SLC16A7: variants seen among roughly 807,000 people sequenced by gnomAD.
SLC16A7 encodes the protein solute carrier family 16 member 7.
In SLC16A7, 33 loss-of-function variants were observed where a neutral mutation model predicts 34.9. The ratio of observed to expected loss-of-function variants is 0.94; its 90% CI spans 0.72 to 1.26. The LOEUF (loss-of-function observed/expected upper bound fraction) is 1.26, where lower values mean the gene tolerates loss of function less well. Ranked by LOEUF, SLC16A7 falls within the 50% of genes most tolerant of loss-of-function variation. The pLI, the probability that SLC16A7 is intolerant of heterozygous loss-of-function variation, is 0.00. For synonymous variants in SLC16A7, 201 were observed against 206.6 expected (o/e 0.97, Z 0.23); for missense variants, 573 against 578.1 (o/e 0.99, Z 0.09).
At chr12:59,639,491 C>T (rs1210153314) in intron 1 of SLC16A7, among the ~76,000 whole-genome samples, 2 of 152,144 alleles carry the variant, frequency 1.3e-5, no homozygotes, top group African/African-American at 4.8e-5. Context: ...TCAAGCTATC[C>T]TCCTGCCTCA....
Position 59,652,323 on chromosome 12 carries a change from G to A in SLC16A7, c.-129-2829G>A, listed in dbSNP as rs1287744096. Among the ~76,000 whole-genome samples the A allele has an allele frequency of 2.6e-5, 4 of 151,790 alleles. No individual in the cohort carries two copies. In the South Asian group the frequency reaches 8.3e-4, roughly 32 times the overall value. On this transcript the variant is annotated intron_variant, in intron 1 of 5. Coordinates refer to ENST00000547379, the MANE Select transcript of SLC16A7 (RefSeq NM_001270623.2). ...CATACATTCCTAGCCCTTTGAATGA[G>A]CACCTTTGCAAAAATATATTTCATT... is the stretch of plus-strand genomic sequence containing the variant.
Position 59,664,471 on chromosome 12 carries a change from T to A in SLC16A7, c.-31+9221T>A, listed in dbSNP as rs572450303. The stretch of plus-strand genomic sequence containing the variant: ...GAGATTCAACACTTTGACCCTGGCC[T>A]CTTTGTTATTGTTCATAACTTACAA... On this transcript the variant is annotated intron_variant, in intron 2 of 5. Transcript: ENST00000547379. Among the ~76,000 whole-genome samples the A allele has an allele frequency of 3.3e-5, 5 of 152,252 alleles. No homozygotes were observed. In the East Asian group the frequency reaches 9.7e-4, roughly 29 times the overall value.
rs1417269831 is a variant in SLC16A7, at chr12:59,671,854, T to C, written c.-31+16604T>C. On this transcript the variant is annotated intron_variant, in intron 2 of 5. Coordinates refer to ENST00000547379, the MANE Select transcript of SLC16A7 (RefSeq NM_001270623.2). ...ATATATGTATATATGTGTATATATA[T>C]GTGTATATGTATATATGTGTATATA... Among the ~76,000 whole-genome samples, 6 of 118,892 alleles carry C rather than the reference T, an allele frequency of 5.0e-5. No homozygotes were observed. In the East Asian group the frequency reaches 1.0e-3, roughly 21 times the overall value. The allele number at this position is 118,892 out of a possible 152,430, so 78.0% of individuals were successfully genotyped here.
intron 1 of SLC16A7, among the ~76,000 whole-genome samples, chr12:59,628,702 G>C (rs1880045014): frequency 6.6e-6 from 1 of 151,660 alleles, no homozygotes; most frequent in Non-Finnish European, 1.5e-5. Flanking sequence ...ATTTTGTCCA[G>C]TACCTAGTTC....
intron 3 of SLC16A7, among the ~76,000 whole-genome samples, chr12:59,745,144 A>T (rs544222229): frequency 2.0e-5 from 3 of 152,138 alleles, no homozygotes; most frequent in African/African-American, 7.2e-5. Flanking sequence ...GCTTCTCTTT[A>T]TGATTATAAA....
intron 1 of SLC16A7, among the ~76,000 whole-genome samples, chr12:59,633,695 G>A (rs1880288654): frequency 6.6e-6 from 1 of 151,980 alleles, no homozygotes; most frequent in Non-Finnish European, 1.5e-5. Flanking sequence ...GGATGGGGAG[G>A]CCCCAGGAAA....
At chr12:59,670,057 G>A (rs1291204768) in intron 2 of SLC16A7, among the ~76,000 whole-genome samples, 2 of 152,126 alleles carry the variant, frequency 1.3e-5, no homozygotes, top group Non-Finnish European at 1.5e-5. Flanking sequence ...TGAAATCAAG[G>A]TGTCAGCTGG....
intron 1 of SLC16A7, among the ~76,000 whole-genome samples, chr12:59,629,878 C>T (rs1880100609): frequency 6.6e-6 from 1 of 151,798 alleles, no homozygotes; most frequent in African/African-American, 2.4e-5. Flanking sequence ...AATTTTTTCT[C>T]ACTGATAGAA....
chr12:59,774,565 T>G, intron 4 of SLC16A7, 92 bp from the exon 5 acceptor site: 1 of 728,680 alleles, frequency 1.4e-6, no homozygotes, highest in East Asian at 2.5e-5. Flanking sequence ...ATTCTGCCTT[T>G]CCCACTTGAA....
chr12:59,730,500 A>G (rs1439012770), intron 3 of SLC16A7, among the ~76,000 whole-genome samples: 1 of 152,062 alleles, frequency 6.6e-6, no homozygotes, highest in Non-Finnish European at 1.5e-5. Flanking sequence ...GTATAGTTGC[A>G]GCTGAGTACA....
At chr12:59,706,533 G>T (rs571125505) in intron 3 of SLC16A7, among the ~76,000 whole-genome samples, 17 of 151,880 alleles carry the variant, frequency 1.1e-4, no homozygotes, top group Non-Finnish European at 2.4e-4. Flanking sequence ...ATACTATTTG[G>T]GCGTGTCAAT....
At position 59,754,423 on chromosome 12, in the gene SLC16A7, A is replaced by G. The variant is rs372198142; in HGVS notation, c.218-16796A>G. 1.2e-3 allele frequency among the ~76,000 whole-genome samples: 190 copies of G among 152,282 alleles called. 3 individuals are homozygous for G. In the South Asian group the frequency reaches 0.02, roughly 16 times the overall value. On this transcript the variant is annotated intron_variant, in intron 3 of 5. Transcript: ENST00000547379. ...GACGCAATAAAAAATGATAAAGGGG[A>G]TATCACCACCAATCCCACAGAAATA...
At chr12:59,605,114 G>A (rs1396899784) in intron 1 of SLC16A7, among the ~76,000 whole-genome samples, 1 of 152,200 alleles carries the variant, frequency 6.6e-6, no homozygotes, top group Non-Finnish European at 1.5e-5. Flanking sequence ...GCCTCCCAAA[G>A]TGCTGGGATT....
At chr12:59,748,354 A>G (rs1442968773) in intron 3 of SLC16A7, among the ~76,000 whole-genome samples, 1 of 152,200 alleles carries the variant, frequency 6.6e-6, no homozygotes, top group Non-Finnish European at 1.5e-5. Flanking sequence ...ACTGTAATAC[A>G]TACTGTACTA....
rs376516304 is a variant in SLC16A7, at chr12:59,731,587, C to T, written c.217+26569C>T. Reference sequence around the variant, plus strand: ...GAACTTTGAATTTAAAATAAAAAGACCAAATTCCAGTCTTCGTTATTTTCT... The same window carrying T: ...GAACTTTGAATTTAAAATAAAAAGATCAAATTCCAGTCTTCGTTATTTTCT... On this transcript the variant is annotated intron_variant, in intron 3 of 5. Coordinates refer to ENST00000547379, the MANE Select transcript of SLC16A7 (RefSeq NM_001270623.2). Among the ~76,000 whole-genome samples the T allele has an allele frequency of 2.6e-4, 40 of 152,210 alleles. 2 individuals are homozygous for T. Among genetic ancestry groups the T allele is most frequent in the African/African-American group, 9.1e-4 (38 of 41,536 alleles).
At chr12:59,735,779 T>G (rs1193511162) in intron 3 of SLC16A7, among the ~76,000 whole-genome samples, 1 of 152,150 alleles carries the variant, frequency 6.6e-6, no homozygotes, top group Non-Finnish European at 1.5e-5. Context: ...TTTATTAATA[T>G]ATATTTATCA....
chr12:59,655,470 A>G lies in SLC16A7; in HGVS notation c.-31+220A>G, dbSNP rs138444527. ...GATCTTGGTCAAGAGACTAAGTCTC[A>G]GTTTCTCTGTATATAAAAAGAAGCT... On this transcript the variant is annotated intron_variant, in intron 2 of 5. Transcript: ENST00000547379. 7.2e-3 allele frequency among the ~76,000 whole-genome samples: 1,092 copies of G among 152,030 alleles called. 5 individuals carry two copies. The highest frequency in any genetic ancestry group is 0.012 in the Non-Finnish European group (821 of 67,894).
At chr12:59,651,531 T>C (rs1411333038) in intron 1 of SLC16A7, among the ~76,000 whole-genome samples, 1 of 152,208 alleles carries the variant, frequency 6.6e-6, no homozygotes, top group Non-Finnish European at 1.5e-5. Context: ...GTTTGTAACA[T>C]GGCTTTTTAG....
chr12:59,768,743 T>G (rs1418734446), intron 3 of SLC16A7, among the ~76,000 whole-genome samples: 1 of 152,026 alleles, frequency 6.6e-6, no homozygotes, highest in Non-Finnish European at 1.5e-5. Context: ...ACACTTATAA[T>G]CCCAGCATTT....
Sources: gnomAD v4.1 joint callset for allele counts (sites outside exome capture counted in the v4.1 genomes callset) on GRCh38, gnomAD v4.1.1 for gene constraint, MANE v1.5 for transcripts, NCBI Gene and HGNC (gene_info 2026-07-23, HGNC 2026-07-21) for gene names.